The following PTPN14 variants were observed in gnomAD, a reference collection of about 807,000 sequenced individuals.
The protein encoded by PTPN14 is protein tyrosine phosphatase non-receptor type 14, also known as tyrosine-protein phosphatase non-receptor type 14.
PTPN14 carries 53 observed loss-of-function variants against 126.8 expected under a neutral mutation model. The ratio of observed to expected loss-of-function variants is 0.42; its 90% CI spans 0.34 to 0.53. PTPN14 has a LOEUF of 0.53. Ranked by LOEUF, PTPN14 falls within the 20% of genes least tolerant of loss-of-function variation. The pLI is 0.08. For missense variants in PTPN14, 1,257 were observed against 1,552.9 expected, an observed-to-expected ratio of 0.81 and a Z score of 3.20; for synonymous variants, 630 against 599.3, an observed-to-expected ratio of 1.05 and a Z score of -0.75.
intron 1 of PTPN14, among the ~76,000 whole-genome samples, chr1:214,502,683 C>T (rs918962212): frequency 6.6e-6 from 1 of 151,796 alleles, no homozygotes; most frequent in Middle Eastern, 3.2e-3. Flanking sequence ...AGCATTTAAA[C>T]GTTACGAAAA....
In PTPN14 at chr1:214,391,051, T is replaced by C. The variant is rs1658739730; in HGVS notation, c.930-6A>G. 6.4e-7 allele frequency: 1 copy of C among 1,568,290 alleles called. No individual in the cohort carries two copies. The highest frequency in any genetic ancestry group is 8.7e-7 in the Non-Finnish European group (1 of 1,149,512). ...GGGGTGGAGAATTTGACTGTCTACA[T>C]GAAGAGGTGAAAAAATGAGAATGGT... On this transcript the variant is annotated splice_region_variant and splice_polypyrimidine_tract_variant and intron_variant, in intron 10 of 18. Coordinates refer to ENST00000366956, the MANE Select transcript of PTPN14 (RefSeq NM_005401.5).
chr1:214,457,684 C>T (rs963560037), intron 2 of PTPN14, among the ~76,000 whole-genome samples: 1 of 152,158 alleles, frequency 6.6e-6, no homozygotes, highest in Non-Finnish European at 1.5e-5. Flanking sequence ...CTAGAAGCCA[C>T]ATTGATTTAA....
At chr1:214,534,439 C>G (rs140453783) in intron 1 of PTPN14, among the ~76,000 whole-genome samples, 281 of 152,144 alleles carry the variant, frequency 1.8e-3, no homozygotes, top group African/African-American at 6.5e-3. Flanking sequence ...ATTGGCCGGG[C>G]GCGGTGGCTC....
At chr1:214,493,189 G>A (rs1259751824) in intron 1 of PTPN14, among the ~76,000 whole-genome samples, 4 of 152,210 alleles carry the variant, frequency 2.6e-5, no homozygotes, top group Admixed American at 1.3e-4. Flanking sequence ...GACTGCCTAC[G>A]AGGTTCTGAC....
At chr1:214,423,716 C>T (rs952218897) in intron 3 of PTPN14, among the ~76,000 whole-genome samples, 1 of 151,512 alleles carries the variant, frequency 6.6e-6, no homozygotes, top group South Asian at 2.1e-4. Flanking sequence ...CGTTGTGGCT[C>T]ATGCCTGTAA....
At chr1:214,447,579 T>C (rs1558106368) in intron 3 of PTPN14, among the ~76,000 whole-genome samples, 1 of 152,174 alleles carries the variant, frequency 6.6e-6, no homozygotes, top group Non-Finnish European at 1.5e-5. Context: ...TTACATTTTT[T>C]TTTTCTCATG....
At chr1:214,436,623 C>T (rs1049042983) in intron 3 of PTPN14, among the ~76,000 whole-genome samples, 4 of 151,782 alleles carry the variant, frequency 2.6e-5, no homozygotes, top group Admixed American at 6.6e-5. Flanking sequence ...TGGTGAAACC[C>T]CTTCTCTAAA....
At chr1:214,417,375 G>A (rs1659449257) in intron 3 of PTPN14, among the ~76,000 whole-genome samples, 1 of 152,082 alleles carries the variant, frequency 6.6e-6, no homozygotes, top group Non-Finnish European at 1.5e-5. Context: ...GAACTAACAT[G>A]CTATGACCTA....
rs1202916907 is a variant in PTPN14, at chr1:214,353,631, A to G, written c.*4291T>C. The G allele has an allele frequency of 2.0e-5, 3 of 152,254 alleles. No individual in the cohort carries two copies. In the East Asian group the frequency reaches 5.8e-4, roughly 29 times the overall value. 9.4% of individuals were successfully genotyped at this position (152,254 alleles called of 1,614,324 possible). A position where few individuals can be genotyped will look rare whatever the true frequency, so the allele number is the denominator to read the frequency against. On this transcript the variant is annotated 3_prime_UTR_variant, in exon 19 of 19. Transcript: ENST00000366956. ...AGCTAATACAGACTGTTCATCGGGA[A>G]AGGACAGCAGCTAAAAACTCCAGAG...
Position 214,386,505 on chromosome 1 carries a change from C to A in PTPN14, c.1066+339G>T, listed in dbSNP as rs541298885. ...GTCACCATGAAAAGCTGAGTGACTGCCACGAGCTTTCTGATACTGGCAATG... is the reference window on the plus strand; with the variant it reads ...GTCACCATGAAAAGCTGAGTGACTGACACGAGCTTTCTGATACTGGCAATG... On this transcript the variant is annotated intron_variant, in intron 12 of 18. Coordinates refer to ENST00000366956, the MANE Select transcript of PTPN14 (RefSeq NM_005401.5). 2.6e-5 allele frequency among the ~76,000 whole-genome samples: 4 copies of A among 152,310 alleles called. No homozygotes were observed. In the East Asian group the frequency reaches 7.7e-4, roughly 29 times the overall value.
intron 11 of PTPN14, among the ~76,000 whole-genome samples, chr1:214,389,788 G>C (rs952084836): frequency 2.6e-5 from 4 of 152,164 alleles, no homozygotes; most frequent in African/African-American, 9.7e-5. Flanking sequence ...ATACTCTAAA[G>C]AAGGGAAAAG....
chr1:214,378,015 C>G lies in PTPN14; in HGVS notation c.2632G>C (p.Val878Leu). 1 of 1,613,190 alleles carries G rather than the reference C, an allele frequency of 6.2e-7. No individual in the cohort carries two copies. Among genetic ancestry groups the G allele is most frequent in the Non-Finnish European group, 8.5e-7 (1 of 1,179,952 alleles). The part of the protein sequence containing the change: ...AALNGLSVAR[V>L]SGREENRVDA... ...ACTCGATTCTCTTCCCGCCCTGAGA[C>G]TCGAGCCACCGAGAGCCCATTCAAT... The change falls in exon 14 of 19, where the codon GTC becomes CTC. Residue 878 changes from valine (V) to leucine (L), a missense_variant. Physicochemically the swap from Val to Leu is conservative, Grantham distance 32. Around this residue, in one of 3 missense-constraint regions of PTPN14, gnomAD observed 1,021 missense variants for 1,183.3 expected, o/e 0.86. Coordinates refer to ENST00000366956, the MANE Select transcript of PTPN14 (RefSeq NM_005401.5).
chr1:214,435,255 CGTGTGTGTGT>C (rs144288661), intron 3 of PTPN14, among the ~76,000 whole-genome samples: 1 of 148,524 alleles, frequency 6.7e-6, no homozygotes, highest in African/African-American at 2.5e-5. Context: ...TGTGTGTGTG[CGTGTGTGTGT>C]GTGTGTGTTG....
At chr1:214,502,169 T>A (rs1464001069) in intron 1 of PTPN14, among the ~76,000 whole-genome samples, 1 of 151,876 alleles carries the variant, frequency 6.6e-6, no homozygotes. Context: ...TTGGGAGCTC[T>A]CATAAAGATT....
intron 1 of PTPN14, among the ~76,000 whole-genome samples, chr1:214,490,160 C>G (rs1486733852): frequency 6.6e-6 from 1 of 152,208 alleles, no homozygotes; most frequent in Non-Finnish European, 1.5e-5. Context: ...GTGGTGGAAT[C>G]ACTTCGTCAA....
chr1:214,486,649 T>C (rs1307409974), intron 1 of PTPN14, among the ~76,000 whole-genome samples: 1 of 152,108 alleles, frequency 6.6e-6, no homozygotes, highest in Non-Finnish European at 1.5e-5. Context: ...TGAGAGGCAA[T>C]GGGAGGCTAG....
At chr1:214,515,192 A>T (rs1463321457) in intron 1 of PTPN14, among the ~76,000 whole-genome samples, 1 of 152,234 alleles carries the variant, frequency 6.6e-6, no homozygotes, top group Non-Finnish European at 1.5e-5. Flanking sequence ...TATTTCAGTG[A>T]TTAAAGACAA....
chr1:214,534,604 T>C (rs1381064806), intron 1 of PTPN14, among the ~76,000 whole-genome samples: 3 of 151,976 alleles, frequency 2.0e-5, no homozygotes, highest in Non-Finnish European at 4.4e-5. Context: ...TCCCAGCTAC[T>C]TGGGTGGCTG....
chr1:214,542,766 G>A (rs1375550540), intron 1 of PTPN14, among the ~76,000 whole-genome samples: 1 of 152,206 alleles, frequency 6.6e-6, no homozygotes, highest in Admixed American at 6.5e-5. Flanking sequence ...GGAAACACCT[G>A]CAGTTTGGCA....
Sources: gnomAD v4.1 joint callset for allele counts (sites outside exome capture counted in the v4.1 genomes callset) on GRCh38, gnomAD v4.1.1 for gene constraint, gnomAD v4.1.1 regional missense constraint, MANE v1.5 for transcripts, NCBI Gene and HGNC (gene_info 2026-07-23, HGNC 2026-07-21) for gene names.